POP4: variants seen among roughly 807,000 people sequenced by gnomAD.
The protein encoded by POP4 is POP4 ribonuclease P/MRP subunit, also known as ribonuclease P protein subunit p29.
A neutral mutation model predicts 29.9 loss-of-function variants in POP4; 31 were observed. The ratio of observed to expected loss-of-function variants is 1.04; its 90% CI spans 0.78 to 1.40. POP4 has a LOEUF of 1.40. POP4 is among the 40% of genes most tolerant of loss of function. The pLI is 0.00. For synonymous variants in POP4, 110 were observed against 108.2 expected, an observed-to-expected ratio of 1.02 and a Z score of -0.10; for missense variants, 286 against 282.7, an observed-to-expected ratio of 1.01 and a Z score of -0.08.
chr19:29,609,625 C>CTTTG (rs113199520), intron 2 of POP4, among the ~76,000 whole-genome samples: 7,798 of 143,586 alleles, frequency 0.054, 238 homozygotes, highest in African/African-American at 0.087. Context: ...TGGAGGGTTT[C>CTTTG]TTTGTTTGTT....
Position 29,609,506 on chromosome 19 carries a change from G to A in POP4, c.60+797G>A, listed in dbSNP as rs183758774. 1.1e-3 allele frequency among the ~76,000 whole-genome samples: 170 copies of A among 152,310 alleles called. 1 individual carries two copies. Among genetic ancestry groups the A allele is most frequent in the Middle Eastern group, 0.01 (3 of 294 alleles). On this transcript the variant is annotated intron_variant, in intron 2 of 6. Transcript: ENST00000585603. ...CAGGAAACAGCCCAGCCAGGAGACA[G>A]GCCCTCAGGAGAGAGAACTGCCCAG...
intron 1 of POP4, chr19:29,606,619 C>T: frequency 2.8e-6 from 1 of 350,936 alleles, no homozygotes; most frequent in Non-Finnish European, 5.1e-6. Context: ...CCACTATCTC[C>T]CGGGGTGACC....
rs183712794 is a variant in POP4, at chr19:29,610,492, G to A, written c.144G>A (p.Glu48=). The A allele has an allele frequency of 1.1e-4, 170 of 1,612,008 alleles. 1 individual carries two copies. The East Asian group carries it at 3.8e-3, about 36-fold the overall frequency. Residue 48 remains glutamate (E), a synonymous_variant, in exon 3 of 7, where the codon GAG becomes GAA. Coordinates refer to ENST00000585603, the MANE Select transcript of POP4 (RefSeq NM_006627.3). ...STPRMSPQAR[E]DQLQRKAVVL... The stretch of plus-strand genomic sequence containing the variant: ...CCCGCATGAGCCCGCAGGCCCGCGA[G>A]GACCAGCTGCAGCGCAAGGCGGTGG...
chr19:29,613,993 G>T (rs377068588), intron 6 of POP4, 21 bp downstream of exon 6: 33 of 1,601,224 alleles, frequency 2.1e-5, no homozygotes, highest in Non-Finnish European at 2.8e-5. Context: ...GTTTCTGAGG[G>T]CATTGCTTGC....
rs1286251302 is a variant in POP4 at position 29,616,444 on chromosome 19, C to A, written c.*1064C>A. On this transcript the variant is annotated 3_prime_UTR_variant, in exon 7 of 7. Coordinates refer to ENST00000585603, the MANE Select transcript of POP4 (RefSeq NM_006627.3). ...CCGATCAGCAAGGCAAGGCCAGGAG[C>A]CCTCCTGGCGAAAGGCAGGCCACAA... 2.0e-5 allele frequency: 3 copies of A among 152,240 alleles called. No individual in the cohort carries two copies. The highest frequency in any genetic ancestry group is 7.2e-5 in the African/African-American group (3 of 41,456). 9.4% of individuals were successfully genotyped at this position (152,240 alleles called of 1,614,324 possible). A position where few individuals can be genotyped will look rare whatever the true frequency, so the allele number is the denominator to read the frequency against.
intron 5 of POP4, 75 bp downstream of exon 5, chr19:29,612,253 G>A: frequency 7.4e-7 from 1 of 1,358,710 alleles, no homozygotes; most frequent in Non-Finnish European, 1.0e-6. Flanking sequence ...CCCAGGGCGT[G>A]TGTTCTGTTG....
intron 2 of POP4, 172 bp downstream of exon 2, chr19:29,608,881 C>T (rs1158501554): frequency 1.0e-5 from 6 of 584,452 alleles, no homozygotes; most frequent in East Asian, 5.9e-5. Flanking sequence ...CCTGTTCCCA[C>T]GTGCCAGCCT....
At chr19:29,611,298 G>A (rs1393884315) in intron 3 of POP4, among the ~76,000 whole-genome samples, 2 of 152,246 alleles carry the variant, frequency 1.3e-5, no homozygotes, top group Non-Finnish European at 2.9e-5. Context: ...TGCCTCCCGG[G>A]TGGAGCCCAG....
Position 29,615,254 on chromosome 19 carries a change from GCT to G in POP4, c.538_539del (p.Leu180LysfsTer26). ...KEDRLKVIPK[L>X]NCVFTVETDG... ...TTTTTTTTTTTTCAGTTATCCCCAA[GCT>G]AAACTGCGTGTTCACTGTGGAAACC... is the stretch of plus-strand genomic sequence containing the variant. On this transcript the variant is annotated frameshift_variant, in exon 7 of 7. Coordinates refer to ENST00000585603, the MANE Select transcript of POP4 (RefSeq NM_006627.3). LOFTEE classifies it high-confidence loss of function. 1 of 1,436,660 alleles carries G rather than the reference GCT, an allele frequency of 7.0e-7. No individual in the cohort carries two copies. Among genetic ancestry groups the G allele is most frequent in the East Asian group, 2.5e-5 (1 of 40,272 alleles). 89.0% of individuals were successfully genotyped at this position (1,436,660 alleles called of 1,614,324 possible). A position where few individuals can be genotyped will look rare whatever the true frequency, so the allele number is the denominator to read the frequency against.
intron 6 of POP4, among the ~76,000 whole-genome samples, chr19:29,614,536 A>C (rs1599488212): frequency 2.3e-5 from 3 of 133,200 alleles, no homozygotes; most frequent in South Asian, 2.3e-4. Context: ...AGACAGTCTC[A>C]CTCTTCCACC....
chr19:29,608,517 G>A (rs1049442308), intron 1 of POP4, 140 bp from the exon 2 acceptor site: 7 of 754,472 alleles, frequency 9.3e-6, no homozygotes, highest in Admixed American at 4.3e-5. Flanking sequence ...GGATCCGCCC[G>A]CCTTGGCCTC....
chr19:29,606,890 A>G (rs953258761), intron 1 of POP4, among the ~76,000 whole-genome samples: 8 of 152,180 alleles, frequency 5.3e-5, no homozygotes, highest in South Asian at 2.1e-4. Context: ...GCTCATGCAC[A>G]TAAGTGTAAT....
intron 6 of POP4, 152 bp downstream of exon 6, chr19:29,614,124 C>A: frequency 7.2e-7 from 1 of 1,397,180 alleles, no homozygotes; most frequent in South Asian, 1.5e-5. Flanking sequence ...CCTGCAGAGA[C>A]CATCCCCTGC....
chr19:29,610,558 G>A lies in POP4; in HGVS notation c.210G>A (p.Lys70=), dbSNP rs746852535. The change falls in exon 3 of 7, where the codon AAG becomes AAA. Residue 70 remains lysine (K), a synonymous_variant. Transcript: ENST00000585603. ...YFTRHKRKEK[K]KKAKGLSARQ... is the part of the protein sequence containing the mutation. ...CCCGCCACAAGCGCAAGGAGAAGAA[G>A]AAGAAAGCCAAAGGCCTCTCTGCCA... 1.9e-6 allele frequency: 3 copies of A among 1,614,216 alleles called. No individual in the cohort carries two copies. The highest frequency in any genetic ancestry group is 2.5e-6 in the Non-Finnish European group (3 of 1,180,042).
At chr19:29,611,376 A>G (rs891060) in intron 3 of POP4, 45,897 of 165,718 alleles carry the variant, frequency 0.28, 7,310 homozygotes, top group East Asian at 0.36. Flanking sequence ...TCCCCACAGG[A>G]TATCAAGACT....
Position 29,612,157 on chromosome 19 carries a change from C to A in POP4, c.403C>A (p.Leu135Ile), listed in dbSNP as rs1971077084. The A allele has an allele frequency of 6.2e-7, 1 of 1,610,484 alleles. No individual in the cohort carries two copies. The change falls in exon 5 of 7, where the codon CTT (leucine) becomes ATT (isoleucine). Residue 135 changes from leucine to isoleucine, a missense_variant. Physicochemically the swap from Leu to Ile is conservative, Grantham distance 5 (BLOSUM62 2). Coordinates refer to ENST00000585603, the MANE Select transcript of POP4 (RefSeq NM_006627.3). ...TCAGGCCAAGCTCTTAAAGGCAGAT[C>A]TTCACGGGGCTATTATTTCAGGTAA... The part of the protein sequence containing the change: ...MIQAKLLKAD[L>I]HGAIISVTKS...
intron 6 of POP4, among the ~76,000 whole-genome samples, chr19:29,614,542 C>T (rs7259433): frequency 0.48 from 70,175 of 147,592 alleles, 17,370 homozygotes; most frequent in East Asian, 0.74. Flanking sequence ...TCTCACTCTT[C>T]CACCCAGGCT....
In POP4 at chr19:29,615,375, C is replaced by T. The variant is rs1971118440; in HGVS notation, c.658C>T (p.Leu220=). The T allele has an allele frequency of 1.2e-6, 2 of 1,612,674 alleles. No individual in the cohort carries two copies. Among genetic ancestry groups the T allele is most frequent in the Admixed American group, 1.7e-5 (1 of 59,592 alleles). Residue 220 remains leucine (L), a synonymous_variant, in exon 7 of 7, where the codon CTG becomes TTG. Coordinates refer to ENST00000585603, the MANE Select transcript of POP4 (RefSeq NM_006627.3). The part of the protein sequence containing the change: ...KKFKAKGTID[L] Reference sequence around the variant, plus strand: ...GTTCAAAGCGAAGGGAACGATTGACCTGTGAATTCTTTGCCGTCTAAGGCA... The same window carrying T: ...GTTCAAAGCGAAGGGAACGATTGACTTGTGAATTCTTTGCCGTCTAAGGCA...
chr19:29,611,877 C>A lies in POP4; in HGVS notation c.300C>A (p.Leu100=), dbSNP rs755114703. 6.2e-7 allele frequency: 1 copy of A among 1,614,156 alleles called. No homozygotes were observed. The highest frequency in any genetic ancestry group is 8.5e-7 in the Non-Finnish European group (1 of 1,180,016). Residue 100 remains leucine (L), a synonymous_variant, in exon 4 of 7, where the codon CTC becomes CTA. Coordinates refer to ENST00000585603, the MANE Select transcript of POP4 (RefSeq NM_006627.3). ...TTTGCTGCAGATACAGCCTTTTCCT[C>A]CCTCTCCATGAACTCTGGAAACAGT... is the stretch of plus-strand genomic sequence containing the variant. The part of the protein sequence containing the change: ...KPEQQRYSLF[L]PLHELWKQYI...
Sources: gnomAD v4.1 joint callset for allele counts (sites outside exome capture counted in the v4.1 genomes callset) on GRCh38, gnomAD v4.1.1 for gene constraint, MANE v1.5 for transcripts, NCBI Gene and HGNC (gene_info 2026-07-23, HGNC 2026-07-21) for gene names.